Variants in CNTNAP2 observed in about 807,000 individuals in gnomAD.
The protein encoded by CNTNAP2 is contactin-associated protein-like 2.
Under a neutral mutation model 155.2 loss-of-function variants are expected in CNTNAP2, and 98 were observed. The ratio of observed to expected loss-of-function variants is 0.63; its 90% confidence interval spans 0.54 to 0.75. The LOEUF (loss-of-function observed/expected upper bound fraction) is 0.75. Ranked by LOEUF, CNTNAP2 falls within the 30% of genes least tolerant of loss-of-function variation. CNTNAP2 has a pLI of 0.00. For missense variants in CNTNAP2, 1,727 were observed against 1,688.1 expected (o/e 1.02, Z -0.40); for synonymous variants, 651 against 631.2 (o/e 1.03, Z -0.47).
intron 4 of CNTNAP2, among the ~76,000 whole-genome samples, chr7:147,053,281 C>T (rs1356800668): frequency 1.3e-5 from 2 of 152,022 alleles, no homozygotes; most frequent in African/African-American, 4.8e-5. Context: ...AAATTTAAAG[C>T]ATGGAAATAT....
chr7:146,671,747 A>G (rs1391075341), intron 1 of CNTNAP2, among the ~76,000 whole-genome samples: 1 of 152,118 alleles, frequency 6.6e-6, no homozygotes, highest in Non-Finnish European at 1.5e-5. Context: ...CTTCCATTTT[A>G]GTCAAAATAT....
At chr7:146,272,205 A>T (rs965502446) in intron 1 of CNTNAP2, among the ~76,000 whole-genome samples, 12 of 152,204 alleles carry the variant, frequency 7.9e-5, no homozygotes, top group Admixed American at 3.9e-4. Context: ...ACATGGCAGC[A>T]GCAAAGAGAA....
chr7:148,158,968 G>T (rs1182358215), intron 17 of CNTNAP2, among the ~76,000 whole-genome samples: 1 of 152,150 alleles, frequency 6.6e-6, no homozygotes, highest in East Asian at 1.9e-4. Context: ...ATTGAAGAAG[G>T]GATAGATCCT....
Position 146,378,442 on chromosome 7 carries a change from C to T in CNTNAP2, c.97+261469C>T, listed in dbSNP as rs189520260. On this transcript the variant is annotated intron_variant, in intron 1 of 23. Coordinates refer to ENST00000361727, the MANE Select transcript of CNTNAP2 (RefSeq NM_014141.6). Reference sequence around the variant, plus strand: ...ACAATGACGACAACAAACCTACCATCCACTTTGCTCTTTGCTTGGAGCTAT... The same window carrying T: ...ACAATGACGACAACAAACCTACCATTCACTTTGCTCTTTGCTTGGAGCTAT... Among the ~76,000 whole-genome samples the T allele has an allele frequency of 2.1e-4, 32 of 152,274 alleles. No homozygotes were observed. The East Asian group carries it at 4.6e-3, about 22-fold the overall frequency.
intron 10 of CNTNAP2, among the ~76,000 whole-genome samples, chr7:147,408,758 A>C (rs754533275): frequency 6.6e-6 from 1 of 152,152 alleles, no homozygotes; most frequent in Non-Finnish European, 1.5e-5. Flanking sequence ...ACTCCATCTC[A>C]ATAATAATAA....
At chr7:148,234,803 C>T (rs1796018864) in intron 20 of CNTNAP2, among the ~76,000 whole-genome samples, 1 of 152,158 alleles carries the variant, frequency 6.6e-6, no homozygotes, top group African/African-American at 2.4e-5. Context: ...GAATAATTAT[C>T]CATGACAATC....
At chr7:146,745,215 T>C (rs1368082574) in intron 1 of CNTNAP2, among the ~76,000 whole-genome samples, 1 of 152,200 alleles carries the variant, frequency 6.6e-6, no homozygotes. Context: ...ATTTAAGTTT[T>C]TTCACTTTAT....
At chr7:147,813,499 A>G (rs1798214663) in intron 13 of CNTNAP2, among the ~76,000 whole-genome samples, 1 of 152,206 alleles carries the variant, frequency 6.6e-6, no homozygotes, top group African/African-American at 2.4e-5. Context: ...TTGTGTTGAT[A>G]GCATCCAACA....
At chr7:147,032,475 G>A (rs1799054262) in intron 3 of CNTNAP2, among the ~76,000 whole-genome samples, 1 of 152,124 alleles carries the variant, frequency 6.6e-6, no homozygotes, top group African/African-American at 2.4e-5. Flanking sequence ...TTTGTCTTCT[G>A]TTTCTGTGGT....
rs528367163 is a variant in CNTNAP2 at position 147,655,538 on chromosome 7, G to A, written c.2098+16232G>A. Among the ~76,000 whole-genome samples the A allele has an allele frequency of 2.0e-5, 3 of 152,306 alleles. No homozygotes were observed. In the South Asian group the frequency reaches 6.2e-4, roughly 32 times the overall value. Reference sequence around the variant, plus strand: ...ATTAATCTTGTTCATCTCCATGAGGGCTCTTGCCTAACCAGGTGCATTGTC... The same window carrying A: ...ATTAATCTTGTTCATCTCCATGAGGACTCTTGCCTAACCAGGTGCATTGTC... On this transcript the variant is annotated intron_variant, in intron 13 of 23. Coordinates refer to ENST00000361727, the MANE Select transcript of CNTNAP2 (RefSeq NM_014141.6).
chr7:146,123,892 G>A (rs1797598183), intron 1 of CNTNAP2, among the ~76,000 whole-genome samples: 1 of 152,066 alleles, frequency 6.6e-6, no homozygotes, highest in Non-Finnish European at 1.5e-5. Flanking sequence ...AATGTGACAA[G>A]TACACACCAT....
intron 8 of CNTNAP2, among the ~76,000 whole-genome samples, chr7:147,203,674 T>C (rs1019690830): frequency 1.3e-5 from 2 of 152,216 alleles, no homozygotes; most frequent in African/African-American, 4.8e-5. Context: ...CAATGTTTGC[T>C]TTTGCATTAA....
rs562856501 is a variant in CNTNAP2 at position 147,347,855 on chromosome 7, A to G, written c.1498+47565A>G. On this transcript the variant is annotated intron_variant, in intron 9 of 23. Transcript: ENST00000361727. ...GATACATGGACTAATAAAACAGAATAGAAAACTCAGAAATTAATCTACATG... is the reference window on the plus strand; with the variant it reads ...GATACATGGACTAATAAAACAGAATGGAAAACTCAGAAATTAATCTACATG... Among the ~76,000 whole-genome samples the G allele has an allele frequency of 7.2e-5, 11 of 152,262 alleles. No homozygotes were observed. The South Asian group carries it at 2.1e-3, about 29-fold the overall frequency.
At chr7:146,839,992 C>A in intron 3 of CNTNAP2, 88 bp downstream of exon 3, 1 of 1,407,752 alleles carries the variant, frequency 7.1e-7, no homozygotes, top group Non-Finnish European at 9.9e-7. Context: ...ATATAGTTAT[C>A]AATATTTATG....
At chr7:147,787,109 A>G (rs1397868754) in intron 13 of CNTNAP2, among the ~76,000 whole-genome samples, 1 of 152,194 alleles carries the variant, frequency 6.6e-6, no homozygotes, top group Non-Finnish European at 1.5e-5. Flanking sequence ...GGGAATAGTG[A>G]TGCATATGGT....
At position 147,167,434 on chromosome 7, in the gene CNTNAP2, T is replaced by C. The variant is rs536695301; in HGVS notation, c.1348+34925T>C. 50 of 1,348,260 alleles carry C rather than the reference T, an allele frequency of 3.7e-5. No individual in the cohort carries two copies. In the South Asian group the frequency reaches 4.6e-4, roughly 12 times the overall value. 83.5% of individuals were successfully genotyped at this position (1,348,260 alleles called of 1,614,324 possible). A position where few individuals can be genotyped will look rare whatever the true frequency, so the allele number is the denominator to read the frequency against. On this transcript the variant is annotated intron_variant, in intron 8 of 23. Transcript: ENST00000361727. ...TTCCTCTGGCTTGCTAGGAAGCTCA[T>C]TGGAGACCCTAACTTGGAGTTTGTT...
chr7:148,172,012 T>G (rs973945902), intron 17 of CNTNAP2, among the ~76,000 whole-genome samples: 2 of 152,384 alleles, frequency 1.3e-5, no homozygotes, highest in South Asian at 2.1e-4. Flanking sequence ...CCAAATATTT[T>G]ATTTCTGTAG....
At chr7:146,877,637 G>A (rs544986831) in intron 3 of CNTNAP2, among the ~76,000 whole-genome samples, 176 of 149,976 alleles carry the variant, frequency 1.2e-3, no homozygotes, top group African/African-American at 3.9e-3. Flanking sequence ...GTATGTATGT[G>A]TGTATATATG....
chr7:146,529,526 C>A (rs1013572898), intron 1 of CNTNAP2, among the ~76,000 whole-genome samples: 1 of 151,960 alleles, frequency 6.6e-6, no homozygotes, highest in African/African-American at 2.4e-5. Flanking sequence ...AACAAGCGAT[C>A]GGGAGAAAGA....
Sources: allele counts gnomAD v4.1 joint callset (sites outside exome capture counted in the v4.1 genomes callset), GRCh38; gene constraint gnomAD v4.1.1; transcripts MANE v1.5; gene names NCBI Gene and HGNC (gene_info 2026-07-23, HGNC 2026-07-21).